Variants in RTL4 observed in about 807,000 individuals in gnomAD.
RTL4 encodes the protein retrotransposon Gag like 4.
In RTL4, 4 loss-of-function variants were observed where a neutral mutation model predicts 5.3. The observed-to-expected ratio is 0.75, with a 90% CI of 0.37 to 1.72. The LOEUF (loss-of-function observed/expected upper bound fraction) is 1.72. Ranked by LOEUF, RTL4 falls within the 40% of genes most tolerant of loss-of-function variation. The pLI is 0.04. For synonymous variants in RTL4, 98 were observed against 87.3 expected, an observed-to-expected ratio of 1.12 and a Z score of -0.68; for missense variants, 260 against 227.1, an observed-to-expected ratio of 1.14 and a Z score of -0.93.
At chrX:112,382,000 G>A in the RTL4 span, 1 of 1,206,610 alleles carries the variant, frequency 8.3e-7, no homozygotes, top group Non-Finnish European at 1.1e-6. Flanking sequence ...AGCAGTTCAA[G>A]AAGGAATTAC....
chrX:112,449,001 G>A, the RTL4 span, among the ~76,000 whole-genome samples: 1 of 111,829 alleles, frequency 8.9e-6, no homozygotes, highest in Non-Finnish European at 1.9e-5. Context: ...AAATGTAACA[G>A]GAAATTCTAT....
chrX:112,182,879 C>T, the RTL4 span, among the ~76,000 whole-genome samples: 4 of 111,190 alleles, frequency 3.6e-5, no homozygotes, highest in African/African-American at 6.5e-5. Context: ...TCATCAAGGT[C>T]GAAATGAAGG....
At chrX:112,373,635 A>G in the RTL4 span, among the ~76,000 whole-genome samples, 1 of 110,203 alleles carries the variant, frequency 9.1e-6, no homozygotes, top group African/African-American at 3.3e-5. Context: ...ACAATGGAAT[A>G]CATACAATAA....
At chrX:112,390,106 AATATATATATATATATATATAT>A in the RTL4 span, among the ~76,000 whole-genome samples, 970 of 17,383 alleles carry the variant, frequency 0.056, 36 homozygotes, top group Non-Finnish European at 0.073. Flanking sequence ...ATTTATATAT[AATATATATATATATATATATAT>A]ATATATATAT....
chrX:112,238,965 C>T, the RTL4 span, among the ~76,000 whole-genome samples: 22 of 111,947 alleles, frequency 2.0e-4, no homozygotes, highest in African/African-American at 4.9e-4. Context: ...CCTCCCATTT[C>T]GCAGAAGCAG....
chrX:112,135,895 C>CAT, the RTL4 span, among the ~76,000 whole-genome samples: 2,901 of 103,690 alleles, frequency 0.028, 50 homozygotes, highest in Non-Finnish European at 0.041. Context: ...ATAATACATA[C>CAT]ATATATATAT....
At chrX:112,099,219 G>A in the RTL4 span, among the ~76,000 whole-genome samples, 1 of 111,872 alleles carries the variant, frequency 8.9e-6, no homozygotes, top group South Asian at 3.7e-4. Context: ...CAAAAAGTGG[G>A]TGAAGGATGT....
At chrX:112,090,661 T>TG in the RTL4 span, among the ~76,000 whole-genome samples, 14 of 110,462 alleles carry the variant, frequency 1.3e-4, no homozygotes, top group African/African-American at 4.7e-4. Flanking sequence ...AGTATTTTTT[T>TG]GGGGATTTTT....
At chrX:112,171,253 G>A in the RTL4 span, among the ~76,000 whole-genome samples, 4 of 111,376 alleles carry the variant, frequency 3.6e-5, no homozygotes, top group African/African-American at 1.3e-4. Flanking sequence ...TTGGTAGCAG[G>A]ATGATATTGG....
At chrX:112,216,748 G>A in the RTL4 span, among the ~76,000 whole-genome samples, 3 of 111,828 alleles carry the variant, frequency 2.7e-5, no homozygotes, top group Non-Finnish European at 5.6e-5. Flanking sequence ...TCTCAAGCGT[G>A]TTTATTTTAG....
the RTL4 span, among the ~76,000 whole-genome samples, chrX:112,250,619 C>T: frequency 8.9e-6 from 1 of 112,160 alleles, no homozygotes; most frequent in African/African-American, 3.2e-5. Flanking sequence ...TTTGATGATA[C>T]AGTTGGTAAT....
chrX:112,133,069 G>A, the RTL4 span, among the ~76,000 whole-genome samples: 1 of 111,798 alleles, frequency 8.9e-6, no homozygotes, highest in Non-Finnish European at 1.9e-5. Context: ...AGGCCTTGTT[G>A]GGGTTCATGG....
chrX:112,335,946 C>T, the RTL4 span, among the ~76,000 whole-genome samples: 1 of 109,829 alleles, frequency 9.1e-6, no homozygotes, highest in African/African-American at 3.3e-5. Context: ...AGATTCACGC[C>T]ATTCTCCTGC....
the RTL4 span, among the ~76,000 whole-genome samples, chrX:112,236,481 AGATC>A: frequency 1.2e-5 from 1 of 81,139 alleles, no homozygotes; most frequent in Admixed American, 1.3e-4. Context: ...ATATAGATAT[AGATC>A]TATATCTATA....
chrX:112,257,131 T>A, the RTL4 span, among the ~76,000 whole-genome samples: 1 of 112,310 alleles, frequency 8.9e-6, no homozygotes, highest in South Asian at 3.6e-4. Context: ...GGTAGTGAAC[T>A]TTTATTAAGT....
chrX:112,308,098 C>T, the RTL4 span, among the ~76,000 whole-genome samples: 1 of 111,196 alleles, frequency 9.0e-6, no homozygotes, highest in African/African-American at 3.3e-5. Context: ...ATGTGGGGAC[C>T]TCTAAATTTT....
chrX:112,155,627 G>A, the RTL4 span, among the ~76,000 whole-genome samples: 1 of 111,433 alleles, frequency 9.0e-6, no homozygotes, highest in South Asian at 3.8e-4. Context: ...TGGGAATGGG[G>A]TGGGACTGTG....
the RTL4 span, among the ~76,000 whole-genome samples, chrX:112,199,073 G>C: frequency 3.6e-5 from 4 of 110,479 alleles, no homozygotes; most frequent in South Asian, 3.9e-4. Flanking sequence ...TGGATCACGA[G>C]GTCAGGAGAT....
chrX:112,177,013 T>C, the RTL4 span, among the ~76,000 whole-genome samples: 1 of 111,018 alleles, frequency 9.0e-6, no homozygotes, highest in African/African-American at 3.3e-5. Flanking sequence ...TTTTATTTTT[T>C]TGTGGCTGTA....
Sources: allele counts gnomAD v4.1 joint callset (sites outside exome capture counted in the v4.1 genomes callset), GRCh38; gene constraint gnomAD v4.1.1; transcripts MANE v1.5; gene names NCBI Gene and HGNC (gene_info 2026-07-23, HGNC 2026-07-21).